The following ZFYVE9 variants were observed in gnomAD, a reference collection of about 807,000 sequenced individuals.
The protein encoded by ZFYVE9 is zinc finger FYVE domain-containing protein 9.
ZFYVE9 carries 43 observed loss-of-function variants against 126.7 expected under a neutral mutation model. The ratio of observed to expected loss-of-function variants is 0.34; its 90% CI spans 0.27 to 0.44. The LOEUF (loss-of-function observed/expected upper bound fraction) is 0.44. Among genes scored for constraint, ZFYVE9 ranks in the 20% least tolerant of loss-of-function variants. The pLI, the probability that ZFYVE9 is intolerant of heterozygous loss-of-function variation, is 1.00. For missense variants in ZFYVE9, 1,476 were observed against 1,697.0 expected, an observed-to-expected ratio of 0.87 and a Z score of 2.29; for synonymous variants, 521 against 597.4, an observed-to-expected ratio of 0.87 and a Z score of 1.87.
Position 52,275,551 on chromosome 1 carries a change from A to G in ZFYVE9, c.2746+967A>G, listed in dbSNP as rs185982328. 3.5e-4 allele frequency among the ~76,000 whole-genome samples: 54 copies of G among 152,192 alleles called. No individual in the cohort carries two copies. In the East Asian group the frequency reaches 9.9e-3, roughly 28 times the overall value. On this transcript the variant is annotated intron_variant, in intron 8 of 18. Transcript: ENST00000287727. Reference sequence around the variant, plus strand: ...TTTCTCCACAGCCTCACCAGCATCCATGGTTTTTTGACTTTTTAATAATAG... The same window carrying G: ...TTTCTCCACAGCCTCACCAGCATCCGTGGTTTTTTGACTTTTTAATAATAG...
intron 4 of ZFYVE9, among the ~76,000 whole-genome samples, chr1:52,243,805 AT>A (rs1343473558): frequency 1.3e-5 from 2 of 151,906 alleles, no homozygotes; most frequent in Non-Finnish European, 2.9e-5. Flanking sequence ...GGAATAGATG[AT>A]GCAGAGCTTT....
rs572423486 is a variant in ZFYVE9 at position 52,284,300 on chromosome 1, G to A, written c.3025+2484G>A. Among the ~76,000 whole-genome samples the A allele has an allele frequency of 3.2e-4, 49 of 152,270 alleles. 1 individual carries two copies. Among genetic ancestry groups the A allele is most frequent in the Non-Finnish European group, 5.9e-4 (40 of 68,028 alleles). On this transcript the variant is annotated intron_variant, in intron 10 of 18. Coordinates refer to ENST00000287727, the MANE Select transcript of ZFYVE9 (RefSeq NM_004799.4). ...CTTTCCTGTGATAGTTGAGAGTATCGTTGTGAATGGGATAGGCCTGTGTGA... is the reference window on the plus strand; with the variant it reads ...CTTTCCTGTGATAGTTGAGAGTATCATTGTGAATGGGATAGGCCTGTGTGA...
intron 1 of ZFYVE9, chr1:52,180,323 G>A (rs966810128): frequency 6.9e-5 from 109 of 1,577,426 alleles, no homozygotes; most frequent in Non-Finnish European, 9.1e-5. Flanking sequence ...ATAGGAATCT[G>A]CCCATGATAT....
chr1:52,144,808 G>A (rs1644293297), intron 1 of ZFYVE9, among the ~76,000 whole-genome samples: 5 of 151,970 alleles, frequency 3.3e-5, no homozygotes, highest in Non-Finnish European at 7.4e-5. Flanking sequence ...CATTTACTTT[G>A]GCACTTAATG....
chr1:52,328,062 A>G (rs1646308950), intron 13 of ZFYVE9, among the ~76,000 whole-genome samples: 1 of 152,138 alleles, frequency 6.6e-6, no homozygotes, highest in South Asian at 2.1e-4. Context: ...GTAGTCCTAC[A>G]TGTAAGCAGC....
chr1:52,300,636 C>T (rs1319133699), intron 12 of ZFYVE9, among the ~76,000 whole-genome samples: 1 of 148,912 alleles, frequency 6.7e-6, no homozygotes, highest in African/African-American at 2.5e-5. Flanking sequence ...ATCTAGTTGC[C>T]ATTTCCAGTG....
chr1:52,223,335 A>G (rs1645141755), intron 2 of ZFYVE9, among the ~76,000 whole-genome samples: 1 of 152,152 alleles, frequency 6.6e-6, no homozygotes, highest in Non-Finnish European at 1.5e-5. Context: ...TATAGGGGTC[A>G]GACAGCCAGG....
chr1:52,318,344 T>A (rs1646205359), intron 13 of ZFYVE9, among the ~76,000 whole-genome samples: 1 of 149,542 alleles, frequency 6.7e-6, no homozygotes, highest in Non-Finnish European at 1.5e-5. Context: ...CCTACTTCCA[T>A]TCAAGATTAG....
chr1:52,298,284 T>C (rs1377282393), intron 12 of ZFYVE9, among the ~76,000 whole-genome samples: 1 of 152,230 alleles, frequency 6.6e-6, no homozygotes, highest in Non-Finnish European at 1.5e-5. Context: ...GTTTTGGGTT[T>C]AAATTTAAGT....
At chr1:52,170,259 T>C (rs1458484798) in intron 1 of ZFYVE9, among the ~76,000 whole-genome samples, 2 of 152,186 alleles carry the variant, frequency 1.3e-5, no homozygotes, top group Non-Finnish European at 2.9e-5. Flanking sequence ...TGCTGGCATA[T>C]AGTTTTTCAT....
intron 7 of ZFYVE9, among the ~76,000 whole-genome samples, chr1:52,270,618 TAAAA>T (rs1409429651): frequency 6.6e-6 from 1 of 152,168 alleles, no homozygotes; most frequent in Admixed American, 6.5e-5. Flanking sequence ...ATTTTTAAAA[TAAAA>T]TTTATTTTTA....
At chr1:52,297,294 G>A (rs1057375796) in intron 12 of ZFYVE9, among the ~76,000 whole-genome samples, 1 of 149,544 alleles carries the variant, frequency 6.7e-6, no homozygotes, top group Non-Finnish European at 1.5e-5. Context: ...CCAGGCTGGA[G>A]TGCAGTGGCA....
chr1:52,325,159 G>T (rs1646278675), intron 13 of ZFYVE9, among the ~76,000 whole-genome samples: 1 of 151,910 alleles, frequency 6.6e-6, no homozygotes, highest in African/African-American at 2.4e-5. Context: ...GGCCCCTGTA[G>T]TCCCAGCTAC....
rs147818568 is a variant in ZFYVE9, at chr1:52,268,592, A to G, written c.2585A>G (p.Asp862Gly). The G allele has an allele frequency of 6.2e-7, 1 of 1,613,480 alleles. No homozygotes were observed. The highest frequency in any genetic ancestry group is 8.5e-7 in the Non-Finnish European group (1 of 1,179,776). ...GCAGGAACCCTGGCTGTGTCACACGACCCAGTCAAGCCAGTAACTACCAGT... is the reference window on the plus strand; with the variant it reads ...GCAGGAACCCTGGCTGTGTCACACGGCCCAGTCAAGCCAGTAACTACCAGT... ...SSAGTLAVSHDPVKPVTTSPL... is the reference protein window; with the variant it reads ...SSAGTLAVSHGPVKPVTTSPL... The change falls in exon 7 of 19, where the codon GAC (aspartate) becomes GGC (glycine). Residue 862 changes from aspartate to glycine, a missense_variant. Coordinates refer to ENST00000287727, the MANE Select transcript of ZFYVE9 (RefSeq NM_004799.4).
At chr1:52,255,908 C>T (rs992397114) in intron 4 of ZFYVE9, among the ~76,000 whole-genome samples, 1 of 43,286 alleles carries the variant, frequency 2.3e-5, no homozygotes, top group South Asian at 6.3e-4. Context: ...TTTTTCTTTT[C>T]TTTTCTTTTC....
In ZFYVE9 at chr1:52,199,753, C is replaced by T. The variant is rs569549534; in HGVS notation, c.-142-16616C>T. On this transcript the variant is annotated intron_variant, in intron 1 of 18. Coordinates refer to ENST00000287727, the MANE Select transcript of ZFYVE9 (RefSeq NM_004799.4). ...TATATTTAGTTTTGTAAGAAACAGC[C>T]AAACTGTCTTCCAAAGTGGCTGTAC... Among the ~76,000 whole-genome samples the T allele has an allele frequency of 2.6e-5, 4 of 152,272 alleles. No individual in the cohort carries two copies. In the South Asian group the frequency reaches 8.3e-4, roughly 32 times the overall value.
intron 5 of ZFYVE9, among the ~76,000 whole-genome samples, chr1:52,266,405 T>TAAAAAAAAAAAAAAAAA (rs33996604): frequency 5.8e-5 from 5 of 85,640 alleles, no homozygotes; most frequent in African/African-American, 2.4e-4. Context: ...TCTAATTCTT[T>TAAAAAAAAAAAAAAAAA]AAAAAAAAAA....
intron 5 of ZFYVE9, among the ~76,000 whole-genome samples, chr1:52,264,790 A>G (rs561974014): frequency 4.5e-4 from 68 of 152,300 alleles, no homozygotes; most frequent in South Asian, 1.2e-3. Context: ...AACCTGTTGC[A>G]TGACAGTTAA....
Position 52,262,141 on chromosome 1 carries a change from C to T in ZFYVE9, c.2179-1632C>T, listed in dbSNP as rs956759622. On this transcript the variant is annotated intron_variant, in intron 4 of 18. Coordinates refer to ENST00000287727, the MANE Select transcript of ZFYVE9 (RefSeq NM_004799.4). ...AGGCAACGGTAGATTTGGTATCTGG[C>T]GAGGGCCTGCTTACTTATAGACAGC... 4.6e-5 allele frequency among the ~76,000 whole-genome samples: 7 copies of T among 152,260 alleles called. No individual in the cohort carries two copies. The South Asian group carries it at 6.2e-4, about 14-fold the overall frequency.
Sources: gnomAD v4.1 joint callset for allele counts (sites outside exome capture counted in the v4.1 genomes callset) on GRCh38, gnomAD v4.1.1 for gene constraint, MANE v1.5 for transcripts, NCBI Gene and HGNC (gene_info 2026-07-23, HGNC 2026-07-21) for gene names.